The following GDAP1 variants were observed in gnomAD, a reference collection of about 807,000 sequenced individuals.
The protein encoded by GDAP1 is ganglioside induced differentiation associated protein 1.
A neutral mutation model predicts 40.1 loss-of-function variants in GDAP1; 34 were observed. The observed-to-expected ratio is 0.85, with a 90% CI of 0.64 to 1.13. The LOEUF (loss-of-function observed/expected upper bound fraction) is 1.13. GDAP1 is among the 50% of genes most tolerant of loss of function. The pLI is 0.00. For missense variants in GDAP1, 374 were observed against 433.7 expected (o/e 0.86, Z 1.22); for synonymous variants, 170 against 157.4 (o/e 1.08, Z -0.60).
intron 2 of GDAP1, among the ~76,000 whole-genome samples, chr8:74,397,084 A>C (rs999383810): frequency 2.6e-5 from 4 of 151,754 alleles, no homozygotes; most frequent in African/African-American, 7.3e-5. Context: ...TGTGGTTTTG[A>C]TTTGCATTTC....
intron 2 of GDAP1, among the ~76,000 whole-genome samples, chr8:74,426,290 A>G (rs1805946662): frequency 6.6e-6 from 1 of 152,246 alleles, no homozygotes; most frequent in Non-Finnish European, 1.5e-5. Context: ...TATCATTCAT[A>G]CAATATAGTA....
At chr8:74,429,810 A>C (rs548181184) in intron 2 of GDAP1, among the ~76,000 whole-genome samples, 21 of 152,238 alleles carry the variant, frequency 1.4e-4, no homozygotes, top group Non-Finnish European at 2.9e-4. Context: ...GTAATGTAGA[A>C]TGTATGTACA....
rs571209785 is a variant in GDAP1, at chr8:74,477,417, G to A, written c.166-11261G>A. Among the ~76,000 whole-genome samples the A allele has an allele frequency of 1.1e-3, 163 of 151,986 alleles. No individual in the cohort carries two copies. The Middle Eastern group carries it at 0.014, about 13-fold the overall frequency. On this transcript the variant is annotated intron_variant, in intron 2 of 2. Transcript: ENST00000523640. ...CTTGTGCTGGTTCTTTCTCATCTTT[G>A]TGGGCTAATATTCCTTCAATCTTTG... is the stretch of plus-strand genomic sequence containing the variant.
intron 2 of GDAP1, among the ~76,000 whole-genome samples, chr8:74,480,946 A>G (rs997236094): frequency 3.3e-5 from 5 of 152,340 alleles, no homozygotes; most frequent in African/African-American, 1.2e-4. Flanking sequence ...CCTGATTGCA[A>G]TAAAGCATTG....
rs549194868 is a variant in GDAP1, at chr8:74,402,403, C to T, written c.165+51082C>T. The stretch of plus-strand genomic sequence containing the variant: ...CTGGTGCACCGTTTTTTAAGCCCTT[C>T]GGAAAAGCGCAGTGTTAGGGTGTGA... On this transcript the variant is annotated intron_variant, in intron 2 of 2. Transcript: ENST00000523640. Among the ~76,000 whole-genome samples, 9 of 150,538 alleles carry T rather than the reference C, an allele frequency of 6.0e-5. 1 individual carries two copies. Among genetic ancestry groups the T allele is most frequent in the African/African-American group, 2.0e-4 (8 of 39,832 alleles).
chr8:74,411,333 A>T (rs2131553943), intron 2 of GDAP1, among the ~76,000 whole-genome samples: 1 of 149,818 alleles, frequency 6.7e-6, no homozygotes, highest in African/African-American at 2.6e-5. Flanking sequence ...TGGAAGCAAA[A>T]TAAGTCCTCA....
At chr8:74,445,814 T>C (rs1369108517) in intron 2 of GDAP1, among the ~76,000 whole-genome samples, 2 of 152,216 alleles carry the variant, frequency 1.3e-5, no homozygotes, top group East Asian at 1.9e-4. Flanking sequence ...TAAAATATAG[T>C]CACTGCAGAT....
At chr8:74,437,059 A>G (rs903158298) in intron 2 of GDAP1, among the ~76,000 whole-genome samples, 1 of 152,180 alleles carries the variant, frequency 6.6e-6, no homozygotes, top group Non-Finnish European at 1.5e-5. Flanking sequence ...TAACACAATA[A>G]TGGCTACAAA....
chr8:74,380,190 T>C (rs899528077), intron 2 of GDAP1, among the ~76,000 whole-genome samples: 2 of 152,086 alleles, frequency 1.3e-5, no homozygotes, highest in African/African-American at 4.8e-5. Flanking sequence ...TACAAAGAAG[T>C]TTTAGTCATC....
chr8:74,368,026 C>T (rs1014954044), downstream of GDAP1, among the ~76,000 whole-genome samples: 1 of 152,134 alleles, frequency 6.6e-6, no homozygotes, highest in Non-Finnish European at 1.5e-5. Flanking sequence ...TTCACATTAC[C>T]TTGTCATAAA....
rs555931571 is a variant in GDAP1, at chr8:74,430,681, G to A, written c.166-57997G>A. On this transcript the variant is annotated intron_variant, in intron 2 of 2. Transcript: ENST00000523640. ...AATTTGCCTTGTAAACTTGACTTCT[G>A]AGCTGCATAAATATTTTACGTAATT... Among the ~76,000 whole-genome samples, 8 of 152,040 alleles carry A rather than the reference G, an allele frequency of 5.3e-5. No individual in the cohort carries two copies. In the South Asian group the frequency reaches 1.7e-3, roughly 32 times the overall value.
At chr8:74,418,174 T>C (rs774093312) in intron 2 of GDAP1, among the ~76,000 whole-genome samples, 11 of 152,200 alleles carry the variant, frequency 7.2e-5, no homozygotes, top group Non-Finnish European at 1.3e-4. Flanking sequence ...TTTGTAGATA[T>C]AGATAAGCTT....
At chr8:74,402,071 G>A (rs569811699) in intron 2 of GDAP1, among the ~76,000 whole-genome samples, 10 of 150,266 alleles carry the variant, frequency 6.7e-5, no homozygotes, top group South Asian at 2.1e-4. Context: ...GAGAACCACT[G>A]CTCTCTTCAA....
At position 74,364,256 on chromosome 8, in the gene GDAP1, G is replaced by A. The variant is rs768729647; in HGVS notation, c.966G>A (p.Thr322=). 7 of 1,614,180 alleles carry A rather than the reference G, an allele frequency of 4.3e-6. No homozygotes were observed. The highest frequency in any genetic ancestry group is 2.2e-5 in the South Asian group (2 of 91,078). Residue 322 remains threonine (T), a synonymous_variant, in exon 6 of 6, where the codon ACG becomes ACA. Transcript: ENST00000220822. ...AKKRAPKVLG[T]TLVVGLLAGV... is the part of the protein sequence containing the mutation. ...AAAGGGCCCCAAAAGTTCTTGGCAC[G>A]ACCCTTGTGGTTGGTTTGCTTGCAG... is the stretch of plus-strand genomic sequence containing the variant.
At chr8:74,362,320 C>A (rs1408255583) in intron 4 of GDAP1, among the ~76,000 whole-genome samples, 1 of 152,180 alleles carries the variant, frequency 6.6e-6, no homozygotes, top group Non-Finnish European at 1.5e-5. Context: ...GTCGCCCTGA[C>A]TTGCTTTGCC....
rs190152245 is a variant in GDAP1 at position 74,390,828 on chromosome 8, T to C, written c.165+39507T>C. 1.4e-3 allele frequency among the ~76,000 whole-genome samples: 210 copies of C among 152,338 alleles called. 7 individuals are homozygous for C. The East Asian group carries it at 0.037, about 27-fold the overall frequency. On this transcript the variant is annotated intron_variant, in intron 2 of 2. Coordinates refer to the GDAP1 transcript ENST00000523640. ...CTCTGTCCCAGGGAGATGGGAGTTT[T>C]ATCTATAAGCCCGTTACTGGGGCTG...
At chr8:74,434,575 T>C (rs1478151936) in intron 2 of GDAP1, among the ~76,000 whole-genome samples, 2 of 152,210 alleles carry the variant, frequency 1.3e-5, no homozygotes, top group Non-Finnish European at 2.9e-5. Context: ...ACAGACAAAG[T>C]ATGGCATGAG....
At chr8:74,471,046 C>G (rs1191954567) in intron 2 of GDAP1, among the ~76,000 whole-genome samples, 1 of 152,124 alleles carries the variant, frequency 6.6e-6, no homozygotes, top group East Asian at 1.9e-4. Context: ...GCATAAATGT[C>G]TTCTTTTGAG....
chr8:74,476,985 G>GA lies in GDAP1; in HGVS notation c.166-11693_166-11692insA, dbSNP rs532767904. On this transcript the variant is annotated intron_variant, in intron 2 of 2. Transcript: ENST00000523640. ...TCTCAGAGGTTCTGTTTGTCCCTTT[G>GA]CATTCTGTTCTCTTTATTTTTGTCT... Among the ~76,000 whole-genome samples the GA allele has an allele frequency of 3.1e-3, 465 of 152,130 alleles. 4 individuals are homozygous for GA. Among genetic ancestry groups the GA allele is most frequent in the African/African-American group, 0.01 (418 of 41,516 alleles).
Sources: allele counts gnomAD v4.1 joint callset (sites outside exome capture counted in the v4.1 genomes callset), GRCh38; gene constraint gnomAD v4.1.1; transcripts MANE v1.5; gene names NCBI Gene and HGNC (gene_info 2026-07-23, HGNC 2026-07-21).